Variants in COL6A3 observed in about 807,000 individuals in gnomAD.
COL6A3 encodes collagen type VI alpha 3 chain.
Under a neutral mutation model 274.1 loss-of-function variants are expected in COL6A3, and 137 were observed. The observed-to-expected ratio is 0.50, with a 90% CI of 0.44 to 0.58. The LOEUF is 0.58. COL6A3 is among the 20% of genes least tolerant of loss of function. The pLI is 0.00. For synonymous variants in COL6A3, 1,650 were observed against 1,650.6 expected (o/e 1.00, Z 0.01); for missense variants, 3,950 against 4,124.9 (o/e 0.96, Z 1.16).
Position 237,394,899 on chromosome 2 carries a change from C to G in COL6A3, c.397G>C (p.Ala133Pro), listed in dbSNP as rs1465512847. The G allele has an allele frequency of 6.2e-7, 1 of 1,612,058 alleles. No homozygotes were observed. The highest frequency in any genetic ancestry group is 8.5e-7 in the Non-Finnish European group (1 of 1,178,366). Reference sequence around the variant, plus strand: ...CCGTCACCGGCCCGGCTTCCAGCAGCCTTGGTGAGGTGGCTTTGCATTATG... The same window carrying G: ...CCGTCACCGGCCCGGCTTCCAGCAGGCTTGGTGAGGTGGCTTTGCATTATG... ...EYIMQSHLTK[A>P]AGSRAGDGVP... Residue 133 changes from alanine to proline, a missense_variant, in exon 3 of 44, where the codon GCT becomes CCT. Physicochemically the swap from Ala to Pro is conservative, Grantham distance 27. Transcript: ENST00000295550.
intron 1 of COL6A3, among the ~76,000 whole-genome samples, chr2:237,404,079 G>A (rs113287975): frequency 1.1e-4 from 17 of 151,926 alleles, no homozygotes; most frequent in Middle Eastern, 3.4e-3. Context: ...TTCTTGATTC[G>A]TTCTATCAAG....
chr2:237,391,936 T>C, intron 3 of COL6A3, among the ~76,000 whole-genome samples: 1 of 152,214 alleles, frequency 6.6e-6, no homozygotes, highest in Non-Finnish European at 1.5e-5. Context: ...TACCCTCTTG[T>C]CATTTCCTGG....
chr2:237,344,181 C>A lies in COL6A3; in HGVS notation c.7668+169G>T. 1.0e-6 allele frequency: 1 copy of A among 974,264 alleles called. No homozygotes were observed. Among genetic ancestry groups the A allele is most frequent in the South Asian group, 1.3e-5 (1 of 76,448 alleles). The allele number at this position is 974,264 out of a possible 1,614,324, so 60.4% of individuals were successfully genotyped here. ...AGGCGTCCCTGTAGTGCTGGAGCCA[C>A]GAGGTTGTCCTGGAGACCTCACAAG... On this transcript the variant is annotated intron_variant, in intron 36 of 43. Transcript: ENST00000295550. This position sits in a 1 kb window ranked among gnomAD's most constrained non-coding sequence, Gnocchi z 4.8.
chr2:237,339,179 A>C, intron 38 of COL6A3, 62 bp from the exon 39 acceptor site: 1 of 1,205,338 alleles, frequency 8.3e-7, no homozygotes, highest in Non-Finnish European at 1.2e-6. Flanking sequence ...AATTAAAATT[A>C]ATCTGTCAAC....
chr2:237,369,444 G>A (rs1187534064), intron 9 of COL6A3, among the ~76,000 whole-genome samples: 1 of 152,204 alleles, frequency 6.6e-6, no homozygotes, highest in African/African-American at 2.4e-5. Flanking sequence ...TGTGGTCTGG[G>A]TTACTACTGA....
Position 237,364,221 on chromosome 2 carries a change from G to T in COL6A3, c.5917+129C>A. 1 of 766,740 alleles carries T rather than the reference G, an allele frequency of 1.3e-6. No individual in the cohort carries two copies. The highest frequency in any genetic ancestry group is 2.3e-6 in the Non-Finnish European group (1 of 436,992). The allele number at this position is 766,740 out of a possible 1,614,324, so 47.5% of individuals were successfully genotyped here. On this transcript the variant is annotated intron_variant, in intron 13 of 43. Coordinates refer to ENST00000295550, the MANE Select transcript of COL6A3 (RefSeq NM_004369.4). This position sits in a 1 kb window ranked among gnomAD's most constrained non-coding sequence, Gnocchi z 4.6. The stretch of plus-strand genomic sequence containing the variant: ...GTGATGAAGGGCCACAACGCTGGGA[G>T]GAAGAGTCTCCCAAGACAACGCTGC...
intron 1 of COL6A3, among the ~76,000 whole-genome samples, chr2:237,410,584 G>A (rs893778759): frequency 1.3e-5 from 2 of 152,042 alleles, no homozygotes; most frequent in Admixed American, 1.3e-4. Flanking sequence ...GGATTACAGA[G>A]ATGAGCCACA....
Position 237,364,446 on chromosome 2 carries a change from G to A in COL6A3, c.5839-18C>T. 6.2e-7 allele frequency: 1 copy of A among 1,600,696 alleles called. No homozygotes were observed. The highest frequency in any genetic ancestry group is 1.1e-5 in the South Asian group (1 of 90,820). On this transcript the variant is annotated intron_variant, in intron 12 of 43. Coordinates refer to ENST00000295550, the MANE Select transcript of COL6A3 (RefSeq NM_004369.4). This position sits in a 1 kb window ranked among gnomAD's most constrained non-coding sequence, Gnocchi z 4.6. ...ATGACCACCTGCAGATAAGAGAGCT[G>A]TCAAATCCCAGGAAAACTAAAAAGG...
intron 42 of COL6A3, chr2:237,333,044 T>C (rs1415330709): frequency 1.9e-5 from 6 of 317,674 alleles, no homozygotes; most frequent in African/African-American, 4.3e-5. Context: ...ATGCATTTCA[T>C]GGATTCCAGC....
At chr2:237,370,221 C>A (rs2077653531) in intron 9 of COL6A3, among the ~76,000 whole-genome samples, 1 of 147,998 alleles carries the variant, frequency 6.8e-6, no homozygotes, top group Non-Finnish European at 1.5e-5. Flanking sequence ...ATATTTAATT[C>A]TATTAAATAA....
At position 237,324,634 on chromosome 2, in the gene COL6A3, T is replaced by C; in HGVS notation, c.*140A>G. The C allele has an allele frequency of 2.6e-6, 2 of 764,436 alleles. No homozygotes were observed. The highest frequency in any genetic ancestry group is 4.5e-6 in the Non-Finnish European group (2 of 442,294). The allele number at this position is 764,436 out of a possible 1,614,324, so 47.4% of individuals were successfully genotyped here. ...TACTGATAGGTCATGCAGCAGGATGTTCCCTCCCGAGTTCGAGTGTAAATC... is the reference window on the plus strand; with the variant it reads ...TACTGATAGGTCATGCAGCAGGATGCTCCCTCCCGAGTTCGAGTGTAAATC... On this transcript the variant is annotated 3_prime_UTR_variant, in exon 44 of 44. Transcript: ENST00000295550.
At chr2:237,333,636 T>C in intron 41 of COL6A3, 88 bp from the exon 42 acceptor site, 1 of 1,101,664 alleles carries the variant, frequency 9.1e-7, no homozygotes, top group East Asian at 2.5e-5. Flanking sequence ...GGTTGCCTGC[T>C]GTGATTAATG....
rs749973425 is a variant in COL6A3 at position 237,377,365 on chromosome 2, G to T, written c.2498-21C>A. 13 of 1,597,788 alleles carry T rather than the reference G, an allele frequency of 8.1e-6. No homozygotes were observed. In the Admixed American group the frequency reaches 1.7e-4, roughly 20 times the overall value. The stretch of plus-strand genomic sequence containing the variant: ...GCTCTCTGCAATGAAGGTAGATTAG[G>T]ATACAATGAGGGACGAGAGCATAAC... On this transcript the variant is annotated intron_variant, in intron 6 of 43. Transcript: ENST00000295550.
At chr2:237,401,884 C>T (rs1014326151) in intron 1 of COL6A3, among the ~76,000 whole-genome samples, 1 of 152,014 alleles carries the variant, frequency 6.6e-6, no homozygotes, top group Non-Finnish European at 1.5e-5. Flanking sequence ...AGGGTTTTGC[C>T]ATGTTGCCCA....
intron 9 of COL6A3, among the ~76,000 whole-genome samples, chr2:237,370,488 C>T (rs140319915): frequency 0.013 from 2,029 of 152,254 alleles, 34 homozygotes; most frequent in African/African-American, 0.036. Context: ...CAGCCCACCT[C>T]GGCCTCCCAA....
intron 3 of COL6A3, among the ~76,000 whole-genome samples, chr2:237,392,385 T>C (rs368364280): frequency 3.3e-5 from 5 of 152,348 alleles, no homozygotes; most frequent in African/African-American, 9.6e-5. Flanking sequence ...GCATTCTGAT[T>C]GCAATCTTGC....
At position 237,413,485 on chromosome 2, in the gene COL6A3, A is replaced by G. The variant is rs2078905377; in HGVS notation, c.-31+468T>C. Among the ~76,000 whole-genome samples the G allele has an allele frequency of 6.6e-6, 1 of 152,168 alleles. No individual in the cohort carries two copies. Among genetic ancestry groups the G allele is most frequent in the African/African-American group, 2.4e-5 (1 of 41,450 alleles). ...ATGGGCGGCCCTGGGCAGAAAACCC[A>G]TGCAGGTTGTTGCACCCTGACCTAG... On this transcript the variant is annotated intron_variant, in intron 1 of 43. Coordinates refer to ENST00000295550, the MANE Select transcript of COL6A3 (RefSeq NM_004369.4). The surrounding 1 kb of genome is among the most constrained non-coding windows in gnomAD (Gnocchi z 4.0).
chr2:237,346,484 G>T lies in COL6A3; in HGVS notation c.7092+19C>A. ...CACCCAGCCCCAGGTGGCCGGGTCA[G>T]AACTGGATAAATACTTACAGCTGGT... On this transcript the variant is annotated intron_variant, in intron 32 of 43. Transcript: ENST00000295550. The T allele has an allele frequency of 6.2e-7, 1 of 1,613,136 alleles. No individual in the cohort carries two copies. The highest frequency in any genetic ancestry group is 1.1e-5 in the South Asian group (1 of 91,046).
intron 9 of COL6A3, among the ~76,000 whole-genome samples, chr2:237,369,543 G>A (rs1375303112): frequency 1.3e-5 from 2 of 152,172 alleles, no homozygotes; most frequent in Non-Finnish European, 2.9e-5. Flanking sequence ...AGAGACCAAG[G>A]CCACTGGGAT....
Sources: allele counts gnomAD v4.1 joint callset (sites outside exome capture counted in the v4.1 genomes callset), GRCh38; gene constraint gnomAD v4.1.1; non-coding constraint Gnocchi (gnomAD v3.1); transcripts MANE v1.5; gene names NCBI Gene and HGNC (gene_info 2026-07-23, HGNC 2026-07-21).